The following PCDHAC2 variants were observed in gnomAD, a reference collection of about 807,000 sequenced individuals.
PCDHAC2 encodes the protein protocadherin alpha subfamily C, 2, also known as protocadherin alpha-C2.
PCDHAC2 carries 24 observed loss-of-function variants against 63.3 expected under a neutral mutation model. The ratio of observed to expected loss-of-function variants is 0.38; its 90% CI spans 0.27 to 0.53. PCDHAC2 has a LOEUF of 0.53. Among genes scored for constraint, PCDHAC2 ranks in the 20% least tolerant of loss-of-function variants. The pLI is 0.81. For synonymous variants in PCDHAC2, 569 were observed against 529.4 expected, an observed-to-expected ratio of 1.07 and a Z score of -1.03; for missense variants, 1,181 against 1,275.2, an observed-to-expected ratio of 0.93 and a Z score of 1.12.
rs782199698 is a variant in PCDHAC2 at position 140,967,107 on chromosome 5, G to C, written c.341G>C (p.Arg114Pro). The C allele has an allele frequency of 6.2e-7, 1 of 1,612,994 alleles. No individual in the cohort carries two copies. ...RIDREALCEQ[R>P]PRCLLSLEVL... ...GATCGGGAGGCGCTGTGTGAGCAGC[G>C]GCCTCGCTGCCTGCTCAGCTTGGAA... Residue 114 changes from arginine (R) to proline (P), a missense_variant, in exon 1 of 4, where the codon CGG (arginine) becomes CCG (proline). By Grantham distance (103) the Arg-to-Pro change is moderately radical. This residue lies in a region of PCDHAC2 where 210 missense variants were observed against 184.9 expected (regional missense o/e 1.14). Coordinates refer to ENST00000289269, the MANE Select transcript of PCDHAC2 (RefSeq NM_018899.6).
intron 2 of PCDHAC2, among the ~76,000 whole-genome samples, chr5:140,981,563 G>A (rs2096938689): frequency 6.6e-6 from 1 of 152,110 alleles, no homozygotes; most frequent in African/African-American, 2.4e-5. Flanking sequence ...GACAGAGTGA[G>A]GCTTTGTCTC....
At chr5:141,004,080 A>G (rs1554259443) in intron 3 of PCDHAC2, among the ~76,000 whole-genome samples, 1 of 152,198 alleles carries the variant, frequency 6.6e-6, no homozygotes, top group Non-Finnish European at 1.5e-5. Context: ...TAGGGGTAGA[A>G]ATGTGCTTCT....
rs542968986 is a variant in PCDHAC2, at chr5:141,005,917, A to T, written c.2714-3710A>T. On this transcript the variant is annotated intron_variant, in intron 3 of 3. Transcript: ENST00000289269. ...AGCAATGATTGCACCACTGCACTTCAGCCTGGTTGACAGAGTGAGAACCTA... is the reference window on the plus strand; with the variant it reads ...AGCAATGATTGCACCACTGCACTTCTGCCTGGTTGACAGAGTGAGAACCTA... Among the ~76,000 whole-genome samples the T allele has an allele frequency of 4.5e-4, 69 of 152,156 alleles. No homozygotes were observed. In the South Asian group the frequency reaches 0.013, roughly 28 times the overall value.
chr5:140,986,018 C>T (rs943946792), intron 3 of PCDHAC2, among the ~76,000 whole-genome samples: 2 of 152,110 alleles, frequency 1.3e-5, no homozygotes, highest in African/African-American at 2.4e-5. Flanking sequence ...GGATTACAGG[C>T]GTGAGCCACT....
chr5:140,966,732 G>A lies in PCDHAC2; in HGVS notation c.-35G>A. The stretch of plus-strand genomic sequence containing the variant: ...ACGGCTGGGGAAGCTGCCGCCTCCG[G>A]CCCTGCCCGGCTGCCTCCGCCGCGG... On this transcript the variant is annotated 5_prime_UTR_variant, in exon 1 of 4. Transcript: ENST00000289269. 1 of 1,415,600 alleles carries A rather than the reference G, an allele frequency of 7.1e-7. No homozygotes were observed. Among genetic ancestry groups the A allele is most frequent in the South Asian group, 1.6e-5 (1 of 64,460 alleles). 87.7% of individuals were successfully genotyped at this position (1,415,600 alleles called of 1,614,324 possible).
At chr5:141,001,452 A>G (rs2098018922) in intron 3 of PCDHAC2, among the ~76,000 whole-genome samples, 1 of 152,196 alleles carries the variant, frequency 6.6e-6, no homozygotes, top group Admixed American at 6.5e-5. Context: ...TCCACTGTCA[A>G]TTGAAGGACT....
chr5:140,990,814 T>A (rs1184527701), intron 3 of PCDHAC2, among the ~76,000 whole-genome samples: 1 of 152,184 alleles, frequency 6.6e-6, no homozygotes, highest in Non-Finnish European at 1.5e-5. Context: ...GAAGCTCCCT[T>A]CTCTCAGCTA....
chr5:140,973,468 C>T (rs2096588845), intron 1 of PCDHAC2, among the ~76,000 whole-genome samples: 1 of 152,202 alleles, frequency 6.6e-6, no homozygotes, highest in East Asian at 1.9e-4. Context: ...TTTTAGTTTG[C>T]AAATTTCATA....
At chr5:140,985,682 C>T (rs1261119986) in intron 3 of PCDHAC2, among the ~76,000 whole-genome samples, 3 of 151,710 alleles carry the variant, frequency 2.0e-5, no homozygotes, top group African/African-American at 4.8e-5. Flanking sequence ...GCCTGCCTTA[C>T]GCTAATCCTC....
chr5:140,972,623 T>C (rs1554234256), intron 1 of PCDHAC2, among the ~76,000 whole-genome samples: 1 of 151,938 alleles, frequency 6.6e-6, no homozygotes, highest in African/African-American at 2.4e-5. Context: ...TGAATGTTGT[T>C]GGCACTCCCT....
At chr5:141,000,391 CTCTCTATATATA>C (rs1452985170) in intron 3 of PCDHAC2, among the ~76,000 whole-genome samples, 26 of 56,648 alleles carry the variant, frequency 4.6e-4, no homozygotes, top group Middle Eastern at 0.011. Flanking sequence ...CTCTCTCTCT[CTCTCTATATATA>C]TATATATATA....
At chr5:140,989,533 T>C (rs114286041) in intron 3 of PCDHAC2, among the ~76,000 whole-genome samples, 1,576 of 152,276 alleles carry the variant, frequency 0.01, 12 homozygotes, top group Middle Eastern at 0.058. Flanking sequence ...AGGAGGAAGA[T>C]AGTTTGTAAT....
At chr5:141,009,205 A>G (rs1325707221) in intron 3 of PCDHAC2, among the ~76,000 whole-genome samples, 8 of 152,192 alleles carry the variant, frequency 5.3e-5, no homozygotes, top group Non-Finnish European at 1.2e-4. Flanking sequence ...CTATGATTCC[A>G]ACACTTTGGG....
intron 3 of PCDHAC2, among the ~76,000 whole-genome samples, chr5:140,990,637 C>A (rs2097404568): frequency 6.6e-6 from 1 of 152,154 alleles, no homozygotes; most frequent in South Asian, 2.1e-4. Flanking sequence ...AGACTAGAAG[C>A]CTCAGCCAGT....
intron 3 of PCDHAC2, among the ~76,000 whole-genome samples, chr5:140,985,145 G>A (rs2097138679): frequency 6.6e-6 from 1 of 152,080 alleles, no homozygotes; most frequent in South Asian, 2.1e-4. Context: ...CACCGTGTTA[G>A]CCAGGATTGT....
intron 3 of PCDHAC2, among the ~76,000 whole-genome samples, chr5:140,999,091 T>A (rs1342614556): frequency 2.0e-5 from 3 of 152,208 alleles, no homozygotes; most frequent in African/African-American, 7.2e-5. Flanking sequence ...TTCAGAGGGC[T>A]ATGGAGAGTA....
Position 141,011,779 on chromosome 5 carries a change from A to G in PCDHAC2, c.*1842A>G, listed in dbSNP as rs1407523783. On this transcript the variant is annotated 3_prime_UTR_variant, in exon 4 of 4. Transcript: ENST00000289269. ...CTTTGAAGTTGCAGAATGCTTTGAAATTCTAATGGTATCTGAAATATCAGC... is the reference window on the plus strand; with the variant it reads ...CTTTGAAGTTGCAGAATGCTTTGAAGTTCTAATGGTATCTGAAATATCAGC... The G allele has an allele frequency of 6.5e-6, 1 of 153,778 alleles. No homozygotes were observed. Among genetic ancestry groups the G allele is most frequent in the East Asian group, 1.9e-4 (1 of 5,202 alleles). 9.5% of individuals were successfully genotyped at this position (153,778 alleles called of 1,614,324 possible).
chr5:140,988,936 T>C (rs2097321406), intron 3 of PCDHAC2: 1 of 152,158 alleles, frequency 6.6e-6, no homozygotes, highest in Non-Finnish European at 1.5e-5. Flanking sequence ...ACTGTTCTCT[T>C]AGGCTGCAGT....
intron 3 of PCDHAC2, among the ~76,000 whole-genome samples, chr5:141,007,506 T>A (rs1370245633): frequency 6.6e-6 from 1 of 151,948 alleles, no homozygotes; most frequent in Non-Finnish European, 1.5e-5. Flanking sequence ...AGGCAGAGAC[T>A]GCAGTGAGCT....
Sources: allele counts gnomAD v4.1 joint callset (sites outside exome capture counted in the v4.1 genomes callset), GRCh38; gene constraint gnomAD v4.1.1; regional missense constraint gnomAD v4.1.1; transcripts MANE v1.5; gene names NCBI Gene and HGNC (gene_info 2026-07-23, HGNC 2026-07-21).